The following LINGO1 variants were observed in gnomAD, a reference collection of about 807,000 sequenced individuals.
LINGO1 encodes the protein leucine-rich repeat and immunoglobulin-like domain-containing nogo receptor-interacting protein 1.
In LINGO1, 11 loss-of-function variants were observed where a neutral mutation model predicts 37.3. The ratio of observed to expected loss-of-function variants is 0.29; its 90% confidence interval spans 0.19 to 0.49. The LOEUF is 0.49. Ranked by LOEUF, LINGO1 falls within the 20% of genes least tolerant of loss-of-function variation. The probability of loss-of-function intolerance (pLI) is 0.99; values close to 1 mark genes in which losing one functional copy is unlikely to be tolerated. For synonymous variants in LINGO1, 387 were observed against 403.0 expected (o/e 0.96, Z 0.48); for missense variants, 585 against 878.2 (o/e 0.67, Z 4.22).
chr15:77,652,525 TGTGTG>T (rs1567491904), intron 3 of LINGO1, among the ~76,000 whole-genome samples: 16 of 149,540 alleles, frequency 1.1e-4, no homozygotes, highest in African/African-American at 3.2e-4. Context: ...TGTGTGTGTG[TGTGTG>T]TTGCCAGAAT....
At chr15:77,793,220 G>C (rs1057268492) in intron 2 of LINGO1, among the ~76,000 whole-genome samples, 2 of 152,156 alleles carry the variant, frequency 1.3e-5, no homozygotes, top group Non-Finnish European at 2.9e-5. Context: ...GAGGGTCTTG[G>C]TTTAAACACC....
chr15:77,727,969 G>A (rs2076119401), intron 2 of LINGO1, among the ~76,000 whole-genome samples: 1 of 152,210 alleles, frequency 6.6e-6, no homozygotes, highest in Non-Finnish European at 1.5e-5. Flanking sequence ...GAGGAGGCAA[G>A]TCTTAACCAT....
chr15:77,811,623 G>A (rs1177118417), intron 1 of LINGO1, among the ~76,000 whole-genome samples: 2 of 152,234 alleles, frequency 1.3e-5, no homozygotes, highest in East Asian at 3.8e-4. Context: ...TCACTGCTAT[G>A]TGACCTTGGA....
intron 2 of LINGO1, among the ~76,000 whole-genome samples, chr15:77,681,826 A>AAT (rs2075418939): frequency 6.6e-6 from 1 of 152,018 alleles, no homozygotes; most frequent in African/African-American, 2.4e-5. Flanking sequence ...GGTGAGCACC[A>AAT]TTGCCACTGT....
chr15:77,720,905 C>T (rs1409765272), intron 2 of LINGO1, among the ~76,000 whole-genome samples: 2 of 152,050 alleles, frequency 1.3e-5, no homozygotes, highest in African/African-American at 4.8e-5. Context: ...CCGCCTCCCT[C>T]ATCCCTCCAC....
chr15:77,717,830 G>C (rs956100090), intron 2 of LINGO1, among the ~76,000 whole-genome samples: 3 of 150,878 alleles, frequency 2.0e-5, no homozygotes, highest in Admixed American at 2.0e-4. Context: ...CACTATGGTG[G>C]GGAAAGGCCC....
At chr15:77,651,122 T>A (rs2074749921) in intron 3 of LINGO1, among the ~76,000 whole-genome samples, 1 of 152,152 alleles carries the variant, frequency 6.6e-6, no homozygotes, top group South Asian at 2.1e-4. Flanking sequence ...CCACTTTTGG[T>A]GGAAACTGCA....
At chr15:77,650,320 A>C (rs1206956962) in intron 3 of LINGO1, among the ~76,000 whole-genome samples, 3 of 152,206 alleles carry the variant, frequency 2.0e-5, no homozygotes, top group Non-Finnish European at 4.4e-5. Flanking sequence ...TCTTAAAAGC[A>C]AAAAAATATA....
intron 1 of LINGO1, among the ~76,000 whole-genome samples, chr15:77,816,594 C>A (rs1256521082): frequency 3.3e-5 from 5 of 152,308 alleles, no homozygotes; most frequent in African/African-American, 1.2e-4. Flanking sequence ...ACACTGGGCA[C>A]TGCTCCCTCC....
At chr15:77,648,214 G>A (rs950959021) in intron 3 of LINGO1, 25 of 297,622 alleles carry the variant, frequency 8.4e-5, no homozygotes, top group Admixed American at 3.4e-4. Context: ...AGTTACCATT[G>A]AAGGAGCACC....
chr15:77,705,276 T>A (rs1203647172), intron 2 of LINGO1, among the ~76,000 whole-genome samples: 1 of 150,630 alleles, frequency 6.6e-6, no homozygotes, highest in Non-Finnish European at 1.5e-5. Context: ...TGACCACAAC[T>A]CCACAACCCA....
chr15:77,672,713 C>T (rs551239124), intron 3 of LINGO1, among the ~76,000 whole-genome samples: 19 of 152,304 alleles, frequency 1.2e-4, no homozygotes, highest in African/African-American at 3.9e-4. Flanking sequence ...TGAGACAGAA[C>T]GCCGACCCTG....
chr15:77,635,939 G>A (rs1432781611), upstream of LINGO1, among the ~76,000 whole-genome samples: 1 of 152,248 alleles, frequency 6.6e-6, no homozygotes, highest in Non-Finnish European at 1.5e-5. Context: ...TGGAGAAGCT[G>A]GAATGGGTTT....
rs562453472 is a variant in LINGO1, at chr15:77,816,841, G to A, written c.-458+3417C>T. Among the ~76,000 whole-genome samples the A allele has an allele frequency of 3.3e-5, 5 of 152,294 alleles. No homozygotes were observed. In the South Asian group the frequency reaches 1.0e-3, roughly 32 times the overall value. ...CCGGGGCAGGGGTTCAAGCAGGCAT[G>A]GATGATAGGGGTGGAACCAAGCTAG... On this transcript the variant is annotated intron_variant, in intron 1 of 5. Transcript: ENST00000562933.
At chr15:77,705,191 A>ACACACACACACACACACACACACACACT in intron 2 of LINGO1, among the ~76,000 whole-genome samples, 1 of 147,936 alleles carries the variant, frequency 6.8e-6, no homozygotes, top group Non-Finnish European at 1.5e-5. Flanking sequence ...ACACACACAC[A>ACACACACACACACACACACACACACACT]CACACACACA....
chr15:77,676,490 AGGCCGAAAGCCTTCACCTG>A (rs1220202983), intron 3 of LINGO1, among the ~76,000 whole-genome samples: 8 of 152,208 alleles, frequency 5.3e-5, no homozygotes, highest in Non-Finnish European at 1.0e-4. Context: ...ATTTGGCACC[AGGCCGAAAGCCTTCACCTG>A]GGATGTCCAG....
intron 1 of LINGO1, among the ~76,000 whole-genome samples, chr15:77,807,329 G>C (rs921273383): frequency 4.6e-5 from 7 of 152,196 alleles, no homozygotes; most frequent in African/African-American, 1.7e-4. Flanking sequence ...TTCATCCTGT[G>C]CATTCCCAGT....
chr15:77,623,025 C>G (rs1049020347), intron 1 of LINGO1, among the ~76,000 whole-genome samples: 1 of 152,184 alleles, frequency 6.6e-6, no homozygotes, highest in Non-Finnish European at 1.5e-5. Context: ...TGGGACCGGG[C>G]CTGATACAGC....
intron 1 of LINGO1, among the ~76,000 whole-genome samples, chr15:77,756,585 T>C (rs2076421789): frequency 6.6e-6 from 1 of 151,578 alleles, no homozygotes; most frequent in Non-Finnish European, 1.5e-5. Context: ...AAGCCGGGGC[T>C]GGGAGCCCAG....
Sources: gnomAD v4.1 joint callset for allele counts (sites outside exome capture counted in the v4.1 genomes callset) on GRCh38, gnomAD v4.1.1 for gene constraint, MANE v1.5 for transcripts, NCBI Gene and HGNC (gene_info 2026-07-23, HGNC 2026-07-21) for gene names.